The following PIK3CD variants were observed in gnomAD, a reference collection of about 807,000 sequenced individuals.
The protein encoded by PIK3CD is phosphatidylinositol-4,5-bisphosphate 3-kinase catalytic subunit delta, also known as phosphatidylinositol 4,5-bisphosphate 3-kinase catalytic subunit delta isoform.
PIK3CD carries 20 observed loss-of-function variants against 122.9 expected under a neutral mutation model. The ratio of observed to expected loss-of-function variants is 0.16; its 90% CI spans 0.11 to 0.24. The LOEUF is 0.24. Ranked by LOEUF, PIK3CD falls within the 10% of genes least tolerant of loss-of-function variation. The probability of loss-of-function intolerance (pLI) is 1.00; values close to 1 mark genes in which losing one functional copy is unlikely to be tolerated. For missense variants in PIK3CD, 787 were observed against 1,406.3 expected (o/e 0.56, Z 7.04); for synonymous variants, 596 against 593.4 (o/e 1.00, Z -0.06).
In PIK3CD at chr1:9,715,731, A is replaced by G; in HGVS notation, c.332A>G (p.Lys111Arg). 1 of 1,613,446 alleles carries G rather than the reference A, an allele frequency of 6.2e-7. No individual in the cohort carries two copies. The highest frequency in any genetic ancestry group is 1.1e-5 in the South Asian group (1 of 91,086). The change falls in exon 4 of 24, where the codon AAG becomes AGG. Residue 111 changes from lysine to arginine, a missense_variant. By Grantham distance (26) the Lys-to-Arg change is conservative. Coordinates refer to ENST00000377346, the MANE Select transcript of PIK3CD (RefSeq NM_005026.5). This position sits in a 1 kb window ranked among gnomAD's most constrained non-coding sequence, Gnocchi z 4.1. ...LVAREGDRVK[K>R]LINSQISLLI... Reference sequence around the variant, plus strand: ...GCCCGTGAGGGCGACCGCGTGAAGAAGCTCATCAACTCACAGATCAGCCTC... The same window carrying G: ...GCCCGTGAGGGCGACCGCGTGAAGAGGCTCATCAACTCACAGATCAGCCTC...
rs549425460 is a variant in PIK3CD at position 9,694,848 on chromosome 1, G to A, written c.-33+3277G>A. On this transcript the variant is annotated intron_variant, in intron 2 of 23. Transcript: ENST00000377346. Reference sequence around the variant, plus strand: ...ATTGTGGCACATGCTTGTGATCCCAGCTACTTGGGAGGCTGAGGTGGGAGG... The same window carrying A: ...ATTGTGGCACATGCTTGTGATCCCAACTACTTGGGAGGCTGAGGTGGGAGG... 2.0e-5 allele frequency among the ~76,000 whole-genome samples: 3 copies of A among 152,260 alleles called. No homozygotes were observed. In the East Asian group the frequency reaches 5.8e-4, roughly 29 times the overall value.
the PIK3CD span, among the ~76,000 whole-genome samples, chr1:9,627,587 T>C: frequency 6.6e-6 from 1 of 152,230 alleles, no homozygotes; most frequent in Non-Finnish European, 1.5e-5. Context: ...GATGATAACA[T>C]GTGTACTGAG....
intron 1 of PIK3CD, among the ~76,000 whole-genome samples, chr1:9,674,583 G>A (rs1401351403): frequency 2.0e-5 from 3 of 151,626 alleles, no homozygotes; most frequent in African/African-American, 4.9e-5. Context: ...CCAGCTACTC[G>A]GGAGGCTGAG....
Position 9,723,131 on chromosome 1 carries a change from C to A in PIK3CD, c.2433C>A (p.Thr811=), listed in dbSNP as rs747361038. The A allele has an allele frequency of 1.9e-6, 3 of 1,613,454 alleles. No homozygotes were observed. The highest frequency in any genetic ancestry group is 3.3e-5 in the Admixed American group (2 of 59,986). ...WKQEGLDLRM[T]PYGCLPTGDR... is the part of the protein sequence containing the mutation. ...CCTCTTCCCCCTTGCCTAGGATGAC[C>A]CCCTATGGCTGCCTCCCCACCGGGG... The change falls in exon 20 of 24, where the codon ACC becomes ACA. Residue 811 remains threonine (T), a synonymous_variant. Transcript: ENST00000377346. This position sits in a 1 kb window ranked among gnomAD's most constrained non-coding sequence, Gnocchi z 4.9.
At chr1:9,645,610 T>C in the PIK3CD span, among the ~76,000 whole-genome samples, 3 of 150,344 alleles carry the variant, frequency 2.0e-5, no homozygotes, top group South Asian at 4.2e-4. Flanking sequence ...GCTAATTTTT[T>C]TTTTTTTTTT....
At chr1:9,667,146 G>T (rs1355176415) in intron 1 of PIK3CD, among the ~76,000 whole-genome samples, 1 of 152,142 alleles carries the variant, frequency 6.6e-6, no homozygotes, top group Non-Finnish European at 1.5e-5. Flanking sequence ...TTACAGGCAT[G>T]AGCCACTGCG....
In PIK3CD at chr1:9,727,194, T is replaced by A; in HGVS notation, c.*148T>A. 1.1e-6 allele frequency: 1 copy of A among 907,188 alleles called. No homozygotes were observed. The highest frequency in any genetic ancestry group is 1.7e-6 in the Non-Finnish European group (1 of 571,746). The allele number at this position is 907,188 out of a possible 1,614,324, so 56.2% of individuals were successfully genotyped here. Reference sequence around the variant, plus strand: ...CTTTTGTTTACACTGGTTATTTATTTATGACTTGAAATAGTTTAAGGAGCT... The same window carrying A: ...CTTTTGTTTACACTGGTTATTTATTAATGACTTGAAATAGTTTAAGGAGCT... On this transcript the variant is annotated 3_prime_UTR_variant, in exon 24 of 24. Coordinates refer to ENST00000377346, the MANE Select transcript of PIK3CD (RefSeq NM_005026.5).
chr1:9,721,394 C>T lies in PIK3CD; in HGVS notation c.1812-50C>T. ...CCTCTGGCTGCCGAGGGAGCTCCCT[C>T]CTGTCCTGAGTCGGGGAGCTCCAGG... is the stretch of plus-strand genomic sequence containing the variant. On this transcript the variant is annotated intron_variant, in intron 14 of 23. Transcript: ENST00000377346. 2 of 1,611,150 alleles carry T rather than the reference C, an allele frequency of 1.2e-6. 1 individual carries two copies. The highest frequency in any genetic ancestry group is 2.2e-5 in the South Asian group (2 of 91,034).
At chr1:9,663,423 C>T (rs1645066480) in intron 1 of PIK3CD, among the ~76,000 whole-genome samples, 1 of 152,152 alleles carries the variant, frequency 6.6e-6, no homozygotes, top group Admixed American at 6.6e-5. Flanking sequence ...CCCGTATCCC[C>T]TCATTTCACG....
Position 9,715,517 on chromosome 1 carries a change from G to A in PIK3CD, c.142-24G>A. On this transcript the variant is annotated intron_variant, in intron 3 of 23. Transcript: ENST00000377346. This position sits in a 1 kb window ranked among gnomAD's most constrained non-coding sequence, Gnocchi z 4.1. ...CCCAGTGGCTGCCTTGGGTGGAGGG[G>A]CTGACCGGTGACTGTCCCTCCAGCT... 1 of 1,603,812 alleles carries A rather than the reference G, an allele frequency of 6.2e-7. No individual in the cohort carries two copies. The highest frequency in any genetic ancestry group is 8.5e-7 in the Non-Finnish European group (1 of 1,172,614).
rs747483450 is a variant in PIK3CD at position 9,719,984 on chromosome 1, G to A, written c.1306G>A (p.Glu436Lys). 7.4e-6 allele frequency: 12 copies of A among 1,613,736 alleles called. No homozygotes were observed. Among genetic ancestry groups the A allele is most frequent in the Middle Eastern group, 1.6e-4 (1 of 6,062 alleles). ...CTACAAGGACCAGCTTAAGACCGGG[G>A]AACGCTGCCTCTACATGTGGCCCTC... ...FDYKDQLKTG[E>K]RCLYMWPSVP... is the part of the protein sequence containing the mutation. Residue 436 changes from glutamate to lysine, a missense_variant, in exon 10 of 24, where the codon GAA becomes AAA. Physicochemically the swap from Glu to Lys is moderately conservative, Grantham distance 56. Transcript: ENST00000377346. The surrounding 1 kb of genome is among the most constrained non-coding windows in gnomAD (Gnocchi z 5.5).
intron 23 of PIK3CD, among the ~76,000 whole-genome samples, chr1:9,726,385 T>C (rs1187326985): frequency 6.6e-6 from 1 of 152,056 alleles, no homozygotes; most frequent in Non-Finnish European, 1.5e-5. Context: ...GGCGGCTGCC[T>C]GTAGTCCCAG....
rs768262076 is a variant in PIK3CD at position 9,721,553 on chromosome 1, C to T, written c.1921C>T (p.Arg641Cys). ...CCTGCTGGACCGGGCCCTGGCCAAC[C>T]GCAAGATCGGCCACTTCCTTTTCTG... ...KFLLDRALAN[R>C]KIGHFLFWHL... The change falls in exon 15 of 24, where the codon CGC becomes TGC. Residue 641 changes from arginine (R) to cysteine (C), a missense_variant. Coordinates refer to ENST00000377346, the MANE Select transcript of PIK3CD (RefSeq NM_005026.5). The T allele has an allele frequency of 9.3e-6, 15 of 1,613,552 alleles. No homozygotes were observed. The Admixed American group carries it at 1.0e-4, about 11-fold the overall frequency.
At chr1:9,642,931 T>C in the PIK3CD span, among the ~76,000 whole-genome samples, 1 of 140,106 alleles carries the variant, frequency 7.1e-6, no homozygotes, top group Non-Finnish European at 1.6e-5. Flanking sequence ...TCTCCAAAAA[T>C]AAAAAAATTA....
chr1:9,676,779 A>C (rs1343152301), intron 1 of PIK3CD, among the ~76,000 whole-genome samples: 5 of 152,208 alleles, frequency 3.3e-5, no homozygotes, highest in Admixed American at 3.3e-4. Flanking sequence ...ACAATGTTTA[A>C]TGAGAAAATG....
chr1:9,723,417 G>T lies in PIK3CD; in HGVS notation c.2594+125G>T. On this transcript the variant is annotated intron_variant, in intron 20 of 23. Coordinates refer to ENST00000377346, the MANE Select transcript of PIK3CD (RefSeq NM_005026.5). The surrounding 1 kb of genome is among the most constrained non-coding windows in gnomAD (Gnocchi z 4.9). ...ACCATCTTTGTGGCTACTTGGCTCA[G>T]TTGAGGACCAGCCTGTGTCTGGGTT... 1.0e-6 allele frequency: 1 copy of T among 977,088 alleles called. No homozygotes were observed. The highest frequency in any genetic ancestry group is 2.5e-5 in the East Asian group (1 of 39,882). The allele number at this position is 977,088 out of a possible 1,614,324, so 60.5% of individuals were successfully genotyped here.
At chr1:9,708,822 ACT>A (rs368595285) in intron 2 of PIK3CD, among the ~76,000 whole-genome samples, 1 of 151,936 alleles carries the variant, frequency 6.6e-6, no homozygotes, top group Non-Finnish European at 1.5e-5. Flanking sequence ...ACAGAGTAAG[ACT>A]CTGTTTCAAA....
rs1646590710 is a variant in PIK3CD, at chr1:9,700,620, C to G, written c.-33+9049C>G. On this transcript the variant is annotated intron_variant, in intron 2 of 23. Coordinates refer to ENST00000377346, the MANE Select transcript of PIK3CD (RefSeq NM_005026.5). This position sits in a 1 kb window ranked among gnomAD's most constrained non-coding sequence, Gnocchi z 5.1. ...GCTCCCCGCTCTGTGTCTAGGCCGT[C>G]TCACCTGCCCCTCCCCGGCTCCACA... 6.6e-6 allele frequency among the ~76,000 whole-genome samples: 1 copy of G among 152,162 alleles called. No individual in the cohort carries two copies. The highest frequency in any genetic ancestry group is 2.1e-4 in the South Asian group (1 of 4,822).
chr1:9,663,172 G>T (rs1288083888), intron 1 of PIK3CD, among the ~76,000 whole-genome samples: 1 of 152,076 alleles, frequency 6.6e-6, no homozygotes. Context: ...CTTTCCACTG[G>T]GTAAGCAAAG....
Sources: gnomAD v4.1 joint callset for allele counts (sites outside exome capture counted in the v4.1 genomes callset) on GRCh38, gnomAD v4.1.1 for gene constraint, Gnocchi (gnomAD v3.1) non-coding constraint, MANE v1.5 for transcripts, NCBI Gene and HGNC (gene_info 2026-07-23, HGNC 2026-07-21) for gene names.